DPP10: variants seen among roughly 807,000 people sequenced by gnomAD.
DPP10 encodes dipeptidyl peptidase like 10, also known as inactive dipeptidyl peptidase 10.
DPP10 carries 33 observed loss-of-function variants against 120.9 expected under a neutral mutation model. The ratio of observed to expected loss-of-function variants is 0.27; its 90% confidence interval spans 0.21 to 0.37. The LOEUF (loss-of-function observed/expected upper bound fraction) is 0.37. DPP10 is among the 10% of genes least tolerant of loss of function. DPP10 has a pLI of 1.00. For missense variants in DPP10, 816 were observed against 942.8 expected, an observed-to-expected ratio of 0.87 and a Z score of 1.76; for synonymous variants, 337 against 326.1, an observed-to-expected ratio of 1.03 and a Z score of -0.36.
At chr2:115,608,525 T>A (rs1026178075) in intron 5 of DPP10, among the ~76,000 whole-genome samples, 2 of 152,164 alleles carry the variant, frequency 1.3e-5, no homozygotes, top group African/African-American at 4.8e-5. Context: ...AGATGCGACA[T>A]TGCCATGTAG....
chr2:114,586,401 C>A (rs535020673), intron 1 of DPP10, among the ~76,000 whole-genome samples: 1 of 152,188 alleles, frequency 6.6e-6, no homozygotes, highest in African/African-American at 2.4e-5. Context: ...AGCATCCCTG[C>A]GTCACGTCTT....
At chr2:114,535,614 A>C (rs1388627960) in intron 1 of DPP10, among the ~76,000 whole-genome samples, 2 of 152,186 alleles carry the variant, frequency 1.3e-5, no homozygotes, top group East Asian at 1.9e-4. Context: ...ACATTCTCTC[A>C]GTTTGGATGA....
At chr2:115,833,701 A>C (rs1348808879) in intron 21 of DPP10, among the ~76,000 whole-genome samples, 1 of 152,198 alleles carries the variant, frequency 6.6e-6, no homozygotes, top group Non-Finnish European at 1.5e-5. Flanking sequence ...AAAATATTCT[A>C]TACAATTACT....
intron 1 of DPP10, among the ~76,000 whole-genome samples, chr2:115,213,931 A>G (rs1444204862): frequency 6.6e-6 from 1 of 152,068 alleles, no homozygotes; most frequent in Non-Finnish European, 1.5e-5. Context: ...ATTTTATGGA[A>G]ATAGAGGCAG....
At chr2:115,394,747 T>C (rs1574696078) in intron 3 of DPP10, among the ~76,000 whole-genome samples, 2 of 152,186 alleles carry the variant, frequency 1.3e-5, no homozygotes, top group Non-Finnish European at 2.9e-5. Flanking sequence ...GCACAGATTT[T>C]ATTACTCTAC....
At chr2:114,712,448 G>A (rs113772218) in intron 1 of DPP10, among the ~76,000 whole-genome samples, 22 of 152,322 alleles carry the variant, frequency 1.4e-4, no homozygotes, top group African/African-American at 5.3e-4. Context: ...AAATAGCTCA[G>A]ATTCTATTCC....
rs956986240 is a variant in DPP10 at position 115,312,863 on chromosome 2, G to A, written c.175+3510G>A. ...ATGTCAGGAGGGGAAGCTTCTGACT[G>A]TGGAAATTCAGCAAGACACTGGGCC... On this transcript the variant is annotated intron_variant, in intron 2 of 25. Coordinates refer to ENST00000410059, the MANE Select transcript of DPP10 (RefSeq NM_020868.6). Among the ~76,000 whole-genome samples the A allele has an allele frequency of 5.9e-5, 9 of 152,176 alleles. No individual in the cohort carries two copies. In the East Asian group the frequency reaches 1.7e-3, roughly 29 times the overall value.
At chr2:114,729,775 C>T (rs1676710634) in intron 1 of DPP10, among the ~76,000 whole-genome samples, 2 of 152,218 alleles carry the variant, frequency 1.3e-5, no homozygotes, top group African/African-American at 4.8e-5. Flanking sequence ...CGTCCTCAAA[C>T]AATATCTTGC....
At chr2:115,764,748 AC>A (rs1680516812) in intron 12 of DPP10, among the ~76,000 whole-genome samples, 1 of 152,140 alleles carries the variant, frequency 6.6e-6, no homozygotes, top group Non-Finnish European at 1.5e-5. Context: ...GTCGTTTATC[AC>A]AGTTGATTTT....
At chr2:114,978,373 A>T (rs1219336494) in intron 1 of DPP10, among the ~76,000 whole-genome samples, 1 of 152,168 alleles carries the variant, frequency 6.6e-6, no homozygotes, top group African/African-American at 2.4e-5. Flanking sequence ...GATACTGCCT[A>T]TCCAGGGTAC....
At chr2:115,016,251 G>A (rs960894828) in intron 1 of DPP10, among the ~76,000 whole-genome samples, 5 of 152,104 alleles carry the variant, frequency 3.3e-5, no homozygotes, top group African/African-American at 1.2e-4. Flanking sequence ...ACAAGCAATG[G>A]GGAAAGGATT....
intron 9 of DPP10, among the ~76,000 whole-genome samples, chr2:115,743,637 A>AAGCACTGCCT (rs1677573599): frequency 6.6e-6 from 1 of 151,268 alleles, no homozygotes. Context: ...CACTTTACAT[A>AAGCACTGCCT]AATCTTTTTA....
At chr2:114,840,553 C>T (rs985387597) in intron 1 of DPP10, among the ~76,000 whole-genome samples, 20 of 152,100 alleles carry the variant, frequency 1.3e-4, no homozygotes, top group Non-Finnish European at 1.5e-4. Context: ...ATTCTCCTTT[C>T]AGCCATTTAA....
At chr2:115,286,094 C>A (rs1050292059) in intron 1 of DPP10, among the ~76,000 whole-genome samples, 6 of 151,754 alleles carry the variant, frequency 4.0e-5, no homozygotes, top group African/African-American at 1.5e-4. Context: ...TTCATTACTG[C>A]AGGAGGAAAC....
intron 8 of DPP10, among the ~76,000 whole-genome samples, chr2:115,730,989 G>T (rs1287250017): frequency 6.6e-6 from 1 of 152,104 alleles, no homozygotes; most frequent in East Asian, 1.9e-4. Flanking sequence ...CTTTGAGGGG[G>T]CGAGGTGGGC....
At chr2:115,687,479 A>T (rs2091055965) in intron 5 of DPP10, among the ~76,000 whole-genome samples, 1 of 146,878 alleles carries the variant, frequency 6.8e-6, no homozygotes, top group African/African-American at 2.5e-5. Context: ...TGTAGGATGG[A>T]TGGATGGATA....
intron 10 of DPP10, among the ~76,000 whole-genome samples, chr2:115,749,615 G>A (rs529213466): frequency 6.6e-6 from 1 of 152,240 alleles, no homozygotes; most frequent in African/African-American, 2.4e-5. Context: ...CATGTTCATG[G>A]AAGTGTCCTG....
chr2:115,020,326 C>T (rs544700487), intron 1 of DPP10, among the ~76,000 whole-genome samples: 1 of 152,106 alleles, frequency 6.6e-6, no homozygotes, highest in African/African-American at 2.4e-5. Context: ...AGATATTCCA[C>T]ACAAATGAAC....
intron 5 of DPP10, among the ~76,000 whole-genome samples, chr2:115,624,160 A>G (rs1489547525): frequency 6.6e-6 from 1 of 152,204 alleles, no homozygotes; most frequent in East Asian, 1.9e-4. Flanking sequence ...TCAAGGAAAG[A>G]TGATATAATA....
Sources: allele counts gnomAD v4.1 joint callset (sites outside exome capture counted in the v4.1 genomes callset), GRCh38; gene constraint gnomAD v4.1.1; transcripts MANE v1.5; gene names NCBI Gene and HGNC (gene_info 2026-07-23, HGNC 2026-07-21).